Variants in AFF3 observed in about 807,000 individuals in gnomAD.
AFF3 encodes the protein AF4/FMR2 family member 3.
In AFF3, 32 loss-of-function variants were observed where a neutral mutation model predicts 129.7. The observed-to-expected ratio is 0.25, with a 90% CI of 0.19 to 0.33. AFF3 has a LOEUF of 0.33. AFF3 is among the 10% of genes least tolerant of loss of function. The pLI, the probability that AFF3 is intolerant of heterozygous loss-of-function variation, is 1.00. For missense variants in AFF3, 1,373 were observed against 1,592.0 expected (o/e 0.86, Z 2.34); for synonymous variants, 644 against 635.4 (o/e 1.01, Z -0.20).
At chr2:99,769,083 CTATT>C (rs1683255913) in intron 8 of AFF3, among the ~76,000 whole-genome samples, 1 of 152,202 alleles carries the variant, frequency 6.6e-6, no homozygotes, top group African/African-American at 2.4e-5. Flanking sequence ...TTCTCCCTAT[CTATT>C]TCTCTCTCTG....
intron 7 of AFF3, among the ~76,000 whole-genome samples, chr2:99,938,896 T>C (rs959041291): frequency 1.3e-5 from 2 of 152,230 alleles, no homozygotes; most frequent in Non-Finnish European, 2.9e-5. Flanking sequence ...CCTTTATACA[T>C]GCAGCCCCTC....
chr2:99,829,402 A>T (rs1218096751), intron 8 of AFF3, among the ~76,000 whole-genome samples: 3 of 152,238 alleles, frequency 2.0e-5, no homozygotes, highest in African/African-American at 7.2e-5. Flanking sequence ...CAAAGGTCTA[A>T]CATCCAGAAT....
intron 7 of AFF3, among the ~76,000 whole-genome samples, chr2:99,917,342 G>A (rs1695540718): frequency 1.3e-5 from 2 of 152,162 alleles, no homozygotes; most frequent in Non-Finnish European, 2.9e-5. Flanking sequence ...GAGGGCAGGA[G>A]ATCCTGATGT....
At chr2:99,966,376 C>A (rs1388267585) in intron 7 of AFF3, among the ~76,000 whole-genome samples, 1 of 152,058 alleles carries the variant, frequency 6.6e-6, no homozygotes, top group African/African-American at 2.4e-5. Flanking sequence ...GGAAACTAAA[C>A]CCAGAAAAGA....
chr2:99,984,469 G>A (rs1576480964), intron 7 of AFF3, among the ~76,000 whole-genome samples: 1 of 152,188 alleles, frequency 6.6e-6, no homozygotes, highest in East Asian at 1.9e-4. Flanking sequence ...CCTGGACCAA[G>A]TATTAAGGTT....
chr2:99,716,816 G>C (rs1678438499), intron 11 of AFF3, among the ~76,000 whole-genome samples: 1 of 151,938 alleles, frequency 6.6e-6, no homozygotes, highest in African/African-American at 2.4e-5. Flanking sequence ...CCAGGAGGCA[G>C]AGGCTGCAGT....
At chr2:99,723,426 A>G (rs1679082956) in intron 11 of AFF3, among the ~76,000 whole-genome samples, 1 of 152,198 alleles carries the variant, frequency 6.6e-6, no homozygotes, top group African/African-American at 2.4e-5. Flanking sequence ...TTAATGACTC[A>G]GGGTCATAGA....
intron 4 of AFF3, among the ~76,000 whole-genome samples, chr2:100,090,629 A>C (rs1689772742): frequency 1.3e-5 from 2 of 152,194 alleles, no homozygotes; most frequent in Non-Finnish European, 2.9e-5. Context: ...TTCCATATAT[A>C]CCTCACTGTA....
chr2:99,790,447 C>T lies in AFF3; in HGVS notation c.922-38146G>A, dbSNP rs534949948. Among the ~76,000 whole-genome samples, 8 of 152,360 alleles carry T rather than the reference C, an allele frequency of 5.3e-5. 1 individual carries two copies. The highest frequency in any genetic ancestry group is 1.9e-4 in the African/African-American group (8 of 41,596). On this transcript the variant is annotated intron_variant, in intron 8 of 24. Coordinates refer to ENST00000672756, the MANE Select transcript of AFF3 (RefSeq NM_001386135.1). Reference sequence around the variant, plus strand: ...GAATGAATGAAAGATCTAAGATTTTCTTCTCTTTGCAAAGGAACCCTGAGC... The same window carrying T: ...GAATGAATGAAAGATCTAAGATTTTTTTCTCTTTGCAAAGGAACCCTGAGC...
intron 8 of AFF3, among the ~76,000 whole-genome samples, chr2:99,777,226 C>T (rs1225186482): frequency 6.6e-6 from 1 of 152,144 alleles, no homozygotes; most frequent in Admixed American, 6.5e-5. Flanking sequence ...TACCCAGGTC[C>T]TCTCATTTAC....
intron 12 of AFF3, among the ~76,000 whole-genome samples, chr2:99,656,990 CAG>C (rs1281807007): frequency 6.6e-6 from 1 of 152,130 alleles, no homozygotes; most frequent in African/African-American, 2.4e-5. Flanking sequence ...AGACTGGAGT[CAG>C]AGACAAAACG....
intron 2 of AFF3, among the ~76,000 whole-genome samples, chr2:100,108,338 A>G (rs1268011499): frequency 6.6e-6 from 1 of 152,066 alleles, no homozygotes. Context: ...GTTCTAACCT[A>G]GGATTCGAGG....
At chr2:99,810,215 T>C (rs922389384) in intron 8 of AFF3, among the ~76,000 whole-genome samples, 1 of 152,164 alleles carries the variant, frequency 6.6e-6, no homozygotes, top group African/African-American at 2.4e-5. Context: ...TAACGTGAAG[T>C]GGAATGCTGT....
At chr2:99,648,876 A>AACGCACACACAC (rs1575593698) in intron 13 of AFF3, among the ~76,000 whole-genome samples, 1 of 32,818 alleles carries the variant, frequency 3.0e-5, no homozygotes, top group Non-Finnish European at 6.5e-5. Flanking sequence ...AGTTCCTCAA[A>AACGCACACACAC]ACACGCGCGC....
In AFF3 at chr2:99,962,004, C is replaced by T. The variant is rs74382173; in HGVS notation, c.873+44628G>A. The stretch of plus-strand genomic sequence containing the variant: ...CACCATGCAAGGGGGATCACCCAGC[C>T]CAGGAAGGGTTCTCCTTCCCTACCA... On this transcript the variant is annotated intron_variant, in intron 7 of 24. Coordinates refer to ENST00000672756, the MANE Select transcript of AFF3 (RefSeq NM_001386135.1). 5.3e-5 allele frequency among the ~76,000 whole-genome samples: 8 copies of T among 152,262 alleles called. No homozygotes were observed. In the East Asian group the frequency reaches 1.6e-3, roughly 30 times the overall value.
intron 7 of AFF3, among the ~76,000 whole-genome samples, chr2:99,842,768 T>C (rs13420212): frequency 1.6e-3 from 237 of 152,226 alleles, no homozygotes; most frequent in African/African-American, 5.5e-3. Flanking sequence ...ATCCCATCCC[T>C]GATGGTGGAA....
intron 9 of AFF3, among the ~76,000 whole-genome samples, chr2:99,747,714 G>T (rs1053845801): frequency 6.6e-6 from 1 of 152,232 alleles, no homozygotes; most frequent in African/African-American, 2.4e-5. Flanking sequence ...CAAAATGGTT[G>T]AAATAATTGG....
At chr2:100,036,218 C>A (rs1355939735) in intron 4 of AFF3, among the ~76,000 whole-genome samples, 1 of 146,984 alleles carries the variant, frequency 6.8e-6, no homozygotes, top group Non-Finnish European at 1.5e-5. Flanking sequence ...CCCACTAACA[C>A]AATGGCACCA....
chr2:99,704,962 A>G (rs976084553), intron 11 of AFF3, among the ~76,000 whole-genome samples: 51 of 152,250 alleles, frequency 3.3e-4, no homozygotes, highest in African/African-American at 1.2e-3. Flanking sequence ...TTGCAGCTAT[A>G]GGAATGCATG....
Sources: allele counts gnomAD v4.1 joint callset (sites outside exome capture counted in the v4.1 genomes callset), GRCh38; gene constraint gnomAD v4.1.1; transcripts MANE v1.5; gene names NCBI Gene and HGNC (gene_info 2026-07-23, HGNC 2026-07-21).